The following PTP4A1 variants were observed in gnomAD, a reference collection of about 807,000 sequenced individuals.
The protein encoded by PTP4A1 is protein tyrosine phosphatase 4A1, also known as protein tyrosine phosphatase type IVA 1.
In PTP4A1, 9 loss-of-function variants were observed where a neutral mutation model predicts 20.5. The observed-to-expected ratio is 0.44, with a 90% CI of 0.26 to 0.77. PTP4A1 has a LOEUF of 0.77. Ranked by LOEUF, PTP4A1 falls within the 30% of genes least tolerant of loss-of-function variation. The pLI is 0.19. For synonymous variants in PTP4A1, 78 were observed against 67.4 expected (o/e 1.16, Z -0.77); for missense variants, 137 against 218.8 (o/e 0.63, Z 2.36).
Position 63,578,974 on chromosome 6 carries a change from T to G in PTP4A1, c.275T>G (p.Phe92Cys). 1 of 1,608,090 alleles carries G rather than the reference T, an allele frequency of 6.2e-7. No homozygotes were observed. Among genetic ancestry groups the G allele is most frequent in the South Asian group, 1.1e-5 (1 of 89,856 alleles). The change falls in exon 4 of 6, where the codon TTT becomes TGT. Residue 92 changes from phenylalanine (F) to cysteine (C), a missense_variant. By Grantham distance (205) the Phe-to-Cys change is radical. Coordinates refer to ENST00000626021, the MANE Select transcript of PTP4A1 (RefSeq NM_003463.5). ...TGGTTAAGTCTTGTGAAAATTAAGT[T>G]TCGTGAAGAACCTGGTTGTTGTATT... Reference protein sequence around the residue: ...DDWLSLVKIKFREEPGCCIAV... With the variant: ...DDWLSLVKIKCREEPGCCIAV...
upstream of PTP4A1, chr6:63,570,899 C>T: frequency 6.6e-6 from 1 of 152,214 alleles, no homozygotes; most frequent in Non-Finnish European, 1.5e-5. Context: ...TATATGAAAT[C>T]TGTCCCTTTT....
intron 2 of PTP4A1, among the ~76,000 whole-genome samples, chr6:63,537,228 C>T (rs1213160531): frequency 6.6e-6 from 1 of 152,090 alleles, no homozygotes; most frequent in Non-Finnish European, 1.5e-5. Flanking sequence ...AAATGTGGTT[C>T]CTGGACCAAT....
At chr6:63,548,046 C>A (rs1308821162) in intron 2 of PTP4A1, among the ~76,000 whole-genome samples, 1 of 152,138 alleles carries the variant, frequency 6.6e-6, no homozygotes, top group Non-Finnish European at 1.5e-5. Context: ...TTCTTTTCTG[C>A]CCACATCCCC....
intron 3 of PTP4A1, among the ~76,000 whole-genome samples, chr6:63,557,900 T>A (rs1776758214): frequency 6.6e-6 from 1 of 152,096 alleles, no homozygotes. Flanking sequence ...ATATGCTTTT[T>A]TTTTTTTGAG....
intron 3 of PTP4A1, among the ~76,000 whole-genome samples, chr6:63,552,659 T>C (rs1026399030): frequency 2.6e-4 from 40 of 152,246 alleles, no homozygotes; most frequent in Admixed American, 1.3e-4. Context: ...AGGATTTTTA[T>C]GGTTTTAGTT....
intron 3 of PTP4A1, among the ~76,000 whole-genome samples, chr6:63,559,501 C>T (rs1031450357): frequency 6.6e-6 from 1 of 152,136 alleles, no homozygotes; most frequent in East Asian, 1.9e-4. Context: ...AATCCCAGCA[C>T]TTTGGGAGGC....
Position 63,579,348 on chromosome 6 carries a change from C to A in PTP4A1, c.404+17C>A, listed in dbSNP as rs1369833121. On this transcript the variant is annotated intron_variant, in intron 5 of 5. Transcript: ENST00000626021. The stretch of plus-strand genomic sequence containing the variant: ...CATAAGACAGTAAGTAATGGATTCT[C>A]TTTTCATTTGTACTCTCTTTCATTT... 1.9e-6 allele frequency: 3 copies of A among 1,558,390 alleles called. No individual in the cohort carries two copies. The highest frequency in any genetic ancestry group is 3.4e-4 in the Middle Eastern group (2 of 5,944).
chr6:63,578,781 T>C, intron 3 of PTP4A1, 117 bp from the exon 4 acceptor site: 1 of 1,176,410 alleles, frequency 8.5e-7, no homozygotes, highest in Non-Finnish European at 1.1e-6. Flanking sequence ...TTAATAAGAT[T>C]TGATTAAACA....
At chr6:63,521,710 A>C (rs1310952552), upstream of PTP4A1, 1 of 152,212 alleles carries the variant, frequency 6.6e-6, no homozygotes, top group East Asian at 1.9e-4. Flanking sequence ...ACTCATTAAC[A>C]GATAGACTTA....
Position 63,580,910 on chromosome 6 carries a change from T to G in PTP4A1, c.*736T>G, listed in dbSNP as rs917272685. 4 of 152,570 alleles carry G rather than the reference T, an allele frequency of 2.6e-5. No individual in the cohort carries two copies. The highest frequency in any genetic ancestry group is 9.7e-5 in the African/African-American group (4 of 41,438). The allele number at this position is 152,570 out of a possible 1,614,324, so 9.5% of individuals were successfully genotyped here. On this transcript the variant is annotated 3_prime_UTR_variant, in exon 6 of 6. Coordinates refer to ENST00000626021, the MANE Select transcript of PTP4A1 (RefSeq NM_003463.5). ...TAATGTTTGCACTCTGAGGTGCAAC[T>G]TAACAGGGAGGGCCTGAGAAAAGAA... is the stretch of plus-strand genomic sequence containing the variant.
chr6:63,564,795 T>C (rs1561910550), intron 3 of PTP4A1, among the ~76,000 whole-genome samples: 1 of 152,200 alleles, frequency 6.6e-6, no homozygotes, highest in Non-Finnish European at 1.5e-5. Context: ...AAATGATTTT[T>C]ATTCAGGCTA....
intron 2 of PTP4A1, among the ~76,000 whole-genome samples, chr6:63,545,481 C>G (rs1320710814): frequency 6.6e-6 from 1 of 152,028 alleles, no homozygotes; most frequent in Non-Finnish European, 1.5e-5. Flanking sequence ...CGTGGTGGCA[C>G]ATGCCTGTAA....
At chr6:63,529,592 TTTTA>T (rs1267993575) in intron 2 of PTP4A1, among the ~76,000 whole-genome samples, 1 of 152,172 alleles carries the variant, frequency 6.6e-6, no homozygotes, top group Non-Finnish European at 1.5e-5. Flanking sequence ...GGGCTTAAAC[TTTTA>T]AGAAATTGCT....
intron 3 of PTP4A1, 73 bp from the exon 4 acceptor site, chr6:63,578,825 G>C (rs1271827918): frequency 1.5e-6 from 2 of 1,332,696 alleles, no homozygotes; most frequent in Non-Finnish European, 2.0e-6. Context: ...ACATTTCCAT[G>C]TTAGAAATTT....
intron 2 of PTP4A1, 76 bp from the exon 3 acceptor site, chr6:63,578,361 A>ATCTC: frequency 6.9e-7 from 1 of 1,444,416 alleles, no homozygotes; most frequent in Non-Finnish European, 9.3e-7. Flanking sequence ...CTGATCAGAG[A>ATCTC]TGATCAGAAT....
intron 2 of PTP4A1, among the ~76,000 whole-genome samples, chr6:63,546,302 T>C (rs531710239): frequency 6.6e-6 from 1 of 152,344 alleles, no homozygotes; most frequent in African/African-American, 2.4e-5. Context: ...ACACATACTC[T>C]ATGATCTCAC....
intron 2 of PTP4A1, chr6:63,550,179 G>T (rs1776374664): frequency 6.6e-6 from 1 of 152,076 alleles, no homozygotes; most frequent in Admixed American, 6.6e-5. Flanking sequence ...TCAGTGATTG[G>T]TTTTTTAATC....
intron 2 of PTP4A1, among the ~76,000 whole-genome samples, chr6:63,536,791 T>C (rs1376190036): frequency 6.6e-6 from 1 of 152,162 alleles, no homozygotes; most frequent in African/African-American, 2.4e-5. Flanking sequence ...ATATTATTTA[T>C]GTAAATAATG....
At chr6:63,566,005 T>A (rs886772923) in intron 3 of PTP4A1, among the ~76,000 whole-genome samples, 2 of 152,214 alleles carry the variant, frequency 1.3e-5, no homozygotes, top group Admixed American at 6.5e-5. Flanking sequence ...GGTATTACAA[T>A]AAAGGAAGCC....
Sources: allele counts gnomAD v4.1 joint callset (sites outside exome capture counted in the v4.1 genomes callset), GRCh38; gene constraint gnomAD v4.1.1; transcripts MANE v1.5; gene names NCBI Gene and HGNC (gene_info 2026-07-23, HGNC 2026-07-21).